The following CCDC6 variants were observed in gnomAD, a reference collection of about 807,000 sequenced individuals.
The protein encoded by CCDC6 is coiled-coil domain-containing protein 6.
CCDC6 carries 20 observed loss-of-function variants against 56.6 expected under a neutral mutation model. The ratio of observed to expected loss-of-function variants is 0.35; its 90% confidence interval spans 0.25 to 0.51. The LOEUF is 0.51. Among genes scored for constraint, CCDC6 ranks in the 20% least tolerant of loss-of-function variants. The pLI, the probability that CCDC6 is intolerant of heterozygous loss-of-function variation, is 0.95. For synonymous variants in CCDC6, 241 were observed against 234.4 expected (o/e 1.03, Z -0.26); for missense variants, 367 against 601.1 (o/e 0.61, Z 4.07).
rs1554883204 is a variant in CCDC6, at chr10:59,818,498, G to GGGGC, written c.583-3744_583-3743insGCCC. ...CGTCCTTTTATTATAATGTTGACGG[G>GGGGC]GGGGGGGGAAGCAGATTCTCAGTGG... On this transcript the variant is annotated intron_variant, in intron 3 of 8. Coordinates refer to ENST00000263102, the MANE Select transcript of CCDC6 (RefSeq NM_005436.5). 2.4e-3 allele frequency among the ~76,000 whole-genome samples: 282 copies of GGGGC among 116,526 alleles called. 14 individuals carry two copies. The highest frequency in any genetic ancestry group is 9.8e-3 in the African/African-American group (254 of 25,924). 76.4% of individuals were successfully genotyped at this position (116,526 alleles called of 152,430 possible).
chr10:59,881,622 A>C (rs1245218281), intron 1 of CCDC6, among the ~76,000 whole-genome samples: 1 of 152,200 alleles, frequency 6.6e-6, no homozygotes, highest in African/African-American at 2.4e-5. Flanking sequence ...CAGAGGAGAA[A>C]AAAAGTCCAA....
intron 1 of CCDC6, among the ~76,000 whole-genome samples, chr10:59,891,749 G>A (rs879303118): frequency 1.3e-5 from 2 of 151,750 alleles, no homozygotes; most frequent in African/African-American, 2.4e-5. Context: ...AAAGAGGGAA[G>A]GGCAGTCTTG....
At chr10:59,812,259 G>A (rs1388407636) in intron 5 of CCDC6, among the ~76,000 whole-genome samples, 1 of 152,160 alleles carries the variant, frequency 6.6e-6, no homozygotes, top group Non-Finnish European at 1.5e-5. Flanking sequence ...GAATGTAGTA[G>A]TAAGGAAGGT....
chr10:59,897,704 C>A (rs548661863), intron 1 of CCDC6, among the ~76,000 whole-genome samples: 1 of 152,204 alleles, frequency 6.6e-6, no homozygotes, highest in Admixed American at 6.5e-5. Flanking sequence ...GCAGACAGCA[C>A]AAAAGACTCA....
chr10:59,859,482 A>AG (rs2071109446), intron 1 of CCDC6, among the ~76,000 whole-genome samples: 1 of 152,208 alleles, frequency 6.6e-6, no homozygotes, highest in African/African-American at 2.4e-5. Context: ...ACAAAAGATC[A>AG]GGCAGGTTTG....
Position 59,906,519 on chromosome 10 carries a change from G to A in CCDC6, c.-95C>T. 1.8e-6 allele frequency: 2 copies of A among 1,138,396 alleles called. No homozygotes were observed. The highest frequency in any genetic ancestry group is 2.4e-6 in the Non-Finnish European group (2 of 851,012). The allele number at this position is 1,138,396 out of a possible 1,614,324, so 70.5% of individuals were successfully genotyped here. A position where few individuals can be genotyped will look rare whatever the true frequency, so the allele number is the denominator to read the frequency against. On this transcript the variant is annotated 5_prime_UTR_variant, in exon 1 of 9. Coordinates refer to ENST00000263102, the MANE Select transcript of CCDC6 (RefSeq NM_005436.5). ...TGAGTGGGCGCCGGGCGAGCACAGG[G>A]GAGCGCCGAGCTGAGCGCCTGGCAC... is the stretch of plus-strand genomic sequence containing the variant.
intron 3 of CCDC6, among the ~76,000 whole-genome samples, chr10:59,818,376 A>G (rs1328315655): frequency 1.3e-5 from 2 of 151,202 alleles, no homozygotes; most frequent in African/African-American, 4.9e-5. Context: ...TGCTGTCCCA[A>G]TTTGCTCTAC....
At chr10:59,845,758 A>G (rs2070985933) in intron 2 of CCDC6, among the ~76,000 whole-genome samples, 2 of 152,318 alleles carry the variant, frequency 1.3e-5, no homozygotes, top group South Asian at 4.1e-4. Context: ...TTCTCTGATC[A>G]GTATTAAGGG....
At chr10:59,796,970 CAAAA>C (rs56723229) in intron 7 of CCDC6, among the ~76,000 whole-genome samples, 30 of 120,078 alleles carry the variant, frequency 2.5e-4, no homozygotes, top group African/African-American at 4.4e-4. Context: ...GATTCCATCT[CAAAA>C]AAAAAAAAAA....
chr10:59,837,916 C>T (rs796201034), intron 2 of CCDC6, among the ~76,000 whole-genome samples: 2 of 152,022 alleles, frequency 1.3e-5, no homozygotes, highest in South Asian at 2.1e-4. Flanking sequence ...GTAAAGGCCA[C>T]CCCAGGACAA....
Position 59,794,604 on chromosome 10 carries a change from T to C in CCDC6, c.1106-7A>G. The C allele has an allele frequency of 1.9e-6, 3 of 1,613,346 alleles. No individual in the cohort carries two copies. Among genetic ancestry groups the C allele is most frequent in the South Asian group, 2.2e-5 (2 of 91,026 alleles). On this transcript the variant is annotated splice_region_variant and splice_polypyrimidine_tract_variant and intron_variant, in intron 7 of 8. Transcript: ENST00000263102. ...TGACTTGCATATGATAGACCTAAAATATAACAACAAATTAAGTATCATTTT... is the reference window on the plus strand; with the variant it reads ...TGACTTGCATATGATAGACCTAAAACATAACAACAAATTAAGTATCATTTT...
At chr10:59,864,985 G>C (rs1048212946) in intron 1 of CCDC6, among the ~76,000 whole-genome samples, 3 of 152,162 alleles carry the variant, frequency 2.0e-5, no homozygotes, top group Non-Finnish European at 2.9e-5. Flanking sequence ...AACTTAATAC[G>C]CGATCTTCAA....
At chr10:59,847,632 A>G in intron 2 of CCDC6, among the ~76,000 whole-genome samples, 1 of 152,138 alleles carries the variant, frequency 6.6e-6, no homozygotes, top group African/African-American at 2.4e-5. Flanking sequence ...TCAAAAGGTA[A>G]GGACAAACCA....
chr10:59,876,073 C>CT (rs1172379933), intron 1 of CCDC6, among the ~76,000 whole-genome samples: 5,711 of 97,516 alleles, frequency 0.059, 520 homozygotes, highest in Middle Eastern at 0.12. Flanking sequence ...GCACAGATGT[C>CT]TTTTTTTTTT....
At chr10:59,831,523 C>T (rs571539391) in intron 3 of CCDC6, among the ~76,000 whole-genome samples, 5 of 152,234 alleles carry the variant, frequency 3.3e-5, no homozygotes, top group South Asian at 4.2e-4. Context: ...CAGGGAGAAG[C>T]CTGAATGTGA....
intron 7 of CCDC6, among the ~76,000 whole-genome samples, chr10:59,801,969 T>C (rs1161626834): frequency 2.0e-5 from 3 of 152,154 alleles, no homozygotes; most frequent in African/African-American, 7.2e-5. Flanking sequence ...CAAGTAGCTC[T>C]AGTTCTTTTA....
Position 59,852,711 on chromosome 10 carries a change from A to T in CCDC6, c.304-9T>A. On this transcript the variant is annotated splice_polypyrimidine_tract_variant and intron_variant, in intron 1 of 8. Coordinates refer to ENST00000263102, the MANE Select transcript of CCDC6 (RefSeq NM_005436.5). ...TGCTCAGCCCTGGCTTGCTGTTTAA[A>T]AAAAAAAAAGGAAAGAACAAAACAA... 1 of 1,513,588 alleles carries T rather than the reference A, an allele frequency of 6.6e-7. No individual in the cohort carries two copies. The highest frequency in any genetic ancestry group is 1.4e-5 in the African/African-American group (1 of 69,586). The allele number at this position is 1,513,588 out of a possible 1,614,324, so 93.8% of individuals were successfully genotyped here.
chr10:59,790,478 T>G lies in CCDC6; in HGVS notation c.*2439A>C, dbSNP rs779807803. 9.1e-5 allele frequency: 20 copies of G among 218,614 alleles called. No individual in the cohort carries two copies. The highest frequency in any genetic ancestry group is 1.5e-4 in the Non-Finnish European group (16 of 108,678). 13.5% of individuals were successfully genotyped at this position (218,614 alleles called of 1,614,324 possible). The stretch of plus-strand genomic sequence containing the variant: ...GGGCTCAGAATCTAAATCTTACTGA[T>G]CCCTAGTAGTAAGACAATTGCCAAG... On this transcript the variant is annotated 3_prime_UTR_variant, in exon 9 of 9. Transcript: ENST00000263102.
intron 1 of CCDC6, among the ~76,000 whole-genome samples, chr10:59,903,810 C>G (rs932721786): frequency 6.6e-6 from 1 of 152,220 alleles, no homozygotes; most frequent in African/African-American, 2.4e-5. Context: ...ACATAAACTA[C>G]TTAAGTGTTG....
Sources: allele counts gnomAD v4.1 joint callset (sites outside exome capture counted in the v4.1 genomes callset), GRCh38; gene constraint gnomAD v4.1.1; transcripts MANE v1.5; gene names NCBI Gene and HGNC (gene_info 2026-07-23, HGNC 2026-07-21).